Variants in USP42 observed in about 807,000 individuals in gnomAD.
USP42 encodes the protein ubiquitin carboxyl-terminal hydrolase 42.
A neutral mutation model predicts 113.0 loss-of-function variants in USP42; 23 were observed. That is an observed-to-expected ratio of 0.20 (90% confidence interval 0.15 to 0.29). The LOEUF (loss-of-function observed/expected upper bound fraction) is 0.29, where lower values mean the gene tolerates loss of function less well. Ranked by LOEUF, USP42 falls within the 10% of genes least tolerant of loss-of-function variation. The pLI, the probability that USP42 is intolerant of heterozygous loss-of-function variation, is 1.00. For missense variants in USP42, 2,174 were observed against 1,779.8 expected (o/e 1.22, Z -3.99); for synonymous variants, 933 against 699.0 (o/e 1.33, Z -5.28).
At chr7:6,125,282 A>G (rs1257557907) in intron 3 of USP42, among the ~76,000 whole-genome samples, 1 of 150,936 alleles carries the variant, frequency 6.6e-6, no homozygotes, top group African/African-American at 2.4e-5. Context: ...TGAGGATGGG[A>G]GTTTGAGACC....
intron 11 of USP42, among the ~76,000 whole-genome samples, chr7:6,146,508 G>A (rs1167399634): frequency 6.6e-6 from 1 of 151,916 alleles, no homozygotes; most frequent in African/African-American, 2.4e-5. Context: ...TACAAAATAC[G>A]AAAAAATTAG....
At chr7:6,109,087 A>C (rs1356675433) in intron 1 of USP42, among the ~76,000 whole-genome samples, 1 of 152,190 alleles carries the variant, frequency 6.6e-6, no homozygotes, top group Non-Finnish European at 1.5e-5. Context: ...AGGGGTTTCT[A>C]ACCCCGTCTT....
intron 3 of USP42, among the ~76,000 whole-genome samples, chr7:6,126,278 GC>G (rs1780537223): frequency 6.6e-6 from 1 of 150,902 alleles, no homozygotes; most frequent in South Asian, 2.1e-4. Context: ...GTATGGATAC[GC>G]CACAGTTTCT....
Position 6,150,233 on chromosome 7 carries a change from C to T in USP42, c.2037C>T (p.Ala679=), listed in dbSNP as rs776701056. ...PKENGLAPDG[A]SCQGQPALHS... Reference sequence around the variant, plus strand: ...AAAACGGCCTAGCGCCTGATGGTGCCAGCTGCCAAGGCCAGCCTGCCCTGC... The same window carrying T: ...AAAACGGCCTAGCGCCTGATGGTGCTAGCTGCCAAGGCCAGCCTGCCCTGC... The change falls in exon 13 of 18, where the codon GCC becomes GCT. Residue 679 remains alanine, a synonymous_variant. Coordinates refer to ENST00000306177, the MANE Select transcript of USP42 (RefSeq NM_032172.3). The T allele has an allele frequency of 8.7e-6, 14 of 1,613,742 alleles. No individual in the cohort carries two copies. Among genetic ancestry groups the T allele is most frequent in the Non-Finnish European group, 1.1e-5 (13 of 1,179,896 alleles).
chr7:6,150,826 T>C (rs1782000601), intron 14 of USP42, among the ~76,000 whole-genome samples: 1 of 152,090 alleles, frequency 6.6e-6, no homozygotes, highest in Non-Finnish European at 1.5e-5. Context: ...TCATGAGAAA[T>C]GATGATGTGA....
chr7:6,147,629 T>G, intron 11 of USP42, 110 bp from the exon 12 acceptor site: 8 of 1,303,920 alleles, frequency 6.1e-6, no homozygotes, highest in Non-Finnish European at 8.2e-6. Flanking sequence ...AACATGCTAT[T>G]TTTTTCATCA....
In USP42 at chr7:6,149,912, G is replaced by A. The variant is rs551932121; in HGVS notation, c.1716G>A (p.Met572Ile). 6.2e-7 allele frequency: 1 copy of A among 1,614,016 alleles called. No individual in the cohort carries two copies. The highest frequency in any genetic ancestry group is 1.1e-5 in the South Asian group (1 of 91,090). The change falls in exon 13 of 18, where the codon ATG (methionine) becomes ATA (isoleucine). Residue 572 changes from methionine to isoleucine, a missense_variant. Coordinates refer to ENST00000306177, the MANE Select transcript of USP42 (RefSeq NM_032172.3). ...AGTCTACCTCGAACGCATCTACGAT[G>A]TCAGTTTCTAGTAAAGTAACAAAAC... ...AVQSTSNAST[M>I]SVSSKVTKPI... is the part of the protein sequence containing the mutation.
chr7:6,124,698 C>A (rs1410386725), intron 3 of USP42, among the ~76,000 whole-genome samples: 1 of 152,046 alleles, frequency 6.6e-6, no homozygotes, highest in African/African-American at 2.4e-5. Context: ...TTTAAATCTA[C>A]CATCTTGCTA....
chr7:6,083,223 C>CTTATTTAT, the USP42 span, among the ~76,000 whole-genome samples: 60 of 130,854 alleles, frequency 4.6e-4, 1 homozygote, highest in African/African-American at 1.0e-3. Flanking sequence ...CCGCACCCAG[C>CTTATTTAT]TTATTTATTT....
intron 10 of USP42, among the ~76,000 whole-genome samples, 195 bp downstream of exon 10, chr7:6,145,851 C>G (rs1781688900): frequency 6.6e-6 from 1 of 152,292 alleles, no homozygotes; most frequent in South Asian, 2.1e-4. Flanking sequence ...TGGGGGATCA[C>G]TTGAGGTCAG....
chr7:6,115,279 T>C (rs532462029), intron 2 of USP42, 44 bp from the exon 3 acceptor site: 1 of 1,586,842 alleles, frequency 6.3e-7, no homozygotes, highest in East Asian at 2.2e-5. Context: ...TTAGCTTCAG[T>C]ATGCAAAGCT....
chr7:6,088,824 A>G, the USP42 span: 34,058 of 150,608 alleles, frequency 0.23, 4,449 homozygotes, highest in Middle Eastern at 0.29. Context: ...TTCCAAGCAT[A>G]GAGATGATGG....
chr7:6,152,536 TAGG>T (rs144039446), intron 14 of USP42, among the ~76,000 whole-genome samples: 5,175 of 152,116 alleles, frequency 0.034, 296 homozygotes, highest in African/African-American at 0.12. Flanking sequence ...GGCCCTCTGT[TAGG>T]AGGGCGTAGA....
In USP42 at chr7:6,154,844, A is replaced by C; in HGVS notation, c.3290A>C (p.Asn1097Thr). 1.3e-6 allele frequency: 2 copies of C among 1,536,868 alleles called. No individual in the cohort carries two copies. Reference sequence around the variant, plus strand: ...CACGAGCGGCCGCACAAGGACCACAACCGGGGCCGTAGGGGCTGCGAGCCG... The same window carrying C: ...CACGAGCGGCCGCACAAGGACCACACCCGGGGCCGTAGGGGCTGCGAGCCG... ...GLHERPHKDHNRGRRGCEPAR... is the reference protein window; with the variant it reads ...GLHERPHKDHTRGRRGCEPAR... The change falls in exon 15 of 18, where the codon AAC becomes ACC. Residue 1097 changes from asparagine to threonine, a missense_variant. Asn to Thr is a moderately conservative substitution (Grantham distance 65, BLOSUM62 0). Coordinates refer to ENST00000306177, the MANE Select transcript of USP42 (RefSeq NM_032172.3).
chr7:6,094,494 AT>A, the USP42 span, among the ~76,000 whole-genome samples: 1 of 151,164 alleles, frequency 6.6e-6, no homozygotes. Flanking sequence ...ACACAACTCC[AT>A]TCTGTTGTGG....
the USP42 span, among the ~76,000 whole-genome samples, chr7:6,096,417 T>C: frequency 4.1e-4 from 62 of 151,170 alleles, 1 homozygote; most frequent in Non-Finnish European, 7.8e-4. Flanking sequence ...GGGATCCCAA[T>C]GGTGCAGATG....
At chr7:6,160,509 C>T (rs887872779) in intron 17 of USP42, 46 bp from the exon 18 acceptor site, 5 of 152,816 alleles carry the variant, frequency 3.3e-5, no homozygotes, top group East Asian at 3.9e-4. Flanking sequence ...CCCTACACGC[C>T]GCCGCCTGCC....
chr7:6,105,669 A>ACTC, intron 1 of USP42, among the ~76,000 whole-genome samples: 1 of 152,168 alleles, frequency 6.6e-6, no homozygotes, highest in Non-Finnish European at 1.5e-5. Flanking sequence ...CCGAAGGGAG[A>ACTC]GGAGAAGCCG....
upstream of USP42, among the ~76,000 whole-genome samples, chr7:6,102,121 T>C (rs1790144876): frequency 6.7e-6 from 1 of 148,282 alleles, no homozygotes; most frequent in African/African-American, 2.6e-5. Flanking sequence ...TTTTTTTTTT[T>C]TTTTTTTTGA....
Sources: allele counts gnomAD v4.1 joint callset (sites outside exome capture counted in the v4.1 genomes callset), GRCh38; gene constraint gnomAD v4.1.1; transcripts MANE v1.5; gene names NCBI Gene and HGNC (gene_info 2026-07-23, HGNC 2026-07-21).